ADGRB3: variants seen among roughly 807,000 people sequenced by gnomAD.
ADGRB3 encodes the protein brain-specific angiogenesis inhibitor 3.
A neutral mutation model predicts 193.4 loss-of-function variants in ADGRB3; 37 were observed. The observed-to-expected ratio is 0.19, with a 90% CI of 0.15 to 0.25. ADGRB3 has a LOEUF of 0.25. ADGRB3 is among the 10% of genes least tolerant of loss of function. The probability of loss-of-function intolerance (pLI) is 1.00; values close to 1 mark genes in which losing one functional copy is unlikely to be tolerated. For missense variants in ADGRB3, 1,637 were observed against 1,852.9 expected (o/e 0.88, Z 2.14); for synonymous variants, 690 against 644.2 (o/e 1.07, Z -1.08).
At chr6:69,018,681 G>A (rs1256879629) in intron 13 of ADGRB3, among the ~76,000 whole-genome samples, 182 bp downstream of exon 13, 1 of 151,900 alleles carries the variant, frequency 6.6e-6, no homozygotes, top group African/African-American at 2.4e-5. Flanking sequence ...TTATATATAT[G>A]TACGCGTATA....
chr6:69,354,141 G>A, intron 26 of ADGRB3, 92 bp from the exon 27 acceptor site: 1 of 848,010 alleles, frequency 1.2e-6, no homozygotes, highest in Non-Finnish European at 2.0e-6. Context: ...TAAAATCAGT[G>A]ATAACCACTG....
intron 3 of ADGRB3, among the ~76,000 whole-genome samples, chr6:68,876,866 G>A (rs918407989): frequency 1.3e-5 from 2 of 151,742 alleles, no homozygotes; most frequent in Admixed American, 6.6e-5. Context: ...GTTTTAACTA[G>A]TTTACAGGTA....
intron 17 of ADGRB3, among the ~76,000 whole-genome samples, chr6:69,076,891 C>T (rs1190071478): frequency 3.3e-5 from 5 of 152,072 alleles, no homozygotes; most frequent in African/African-American, 1.2e-4. Context: ...GTGTTCTTCA[C>T]CCCTGATATG....
At chr6:68,952,193 T>G (rs1767946039) in intron 6 of ADGRB3, among the ~76,000 whole-genome samples, 1 of 152,130 alleles carries the variant, frequency 6.6e-6, no homozygotes, top group Non-Finnish European at 1.5e-5. Context: ...CTAGTGTTTC[T>G]AGAAGTGTTA....
chr6:69,049,007 T>G (rs1771316952), intron 14 of ADGRB3, among the ~76,000 whole-genome samples: 2 of 152,114 alleles, frequency 1.3e-5, no homozygotes. Flanking sequence ...CTGATATCGT[T>G]GGGAAATTAA....
chr6:68,886,547 G>A (rs1765912712), intron 3 of ADGRB3, among the ~76,000 whole-genome samples: 1 of 151,994 alleles, frequency 6.6e-6, no homozygotes. Flanking sequence ...CCCAAACAAT[G>A]AAGTATAATA....
intron 8 of ADGRB3, among the ~76,000 whole-genome samples, chr6:68,957,738 A>G (rs1176241693): frequency 2.0e-5 from 3 of 152,186 alleles, no homozygotes; most frequent in African/African-American, 7.2e-5. Flanking sequence ...TGATTGTTTC[A>G]ACTTAGAAGA....
At chr6:69,116,782 G>A (rs1408493740) in intron 17 of ADGRB3, among the ~76,000 whole-genome samples, 2 of 152,200 alleles carry the variant, frequency 1.3e-5, no homozygotes, top group African/African-American at 4.8e-5. Context: ...TGGGCAGGTG[G>A]CTCATTGCCT....
At chr6:68,960,748 T>C (rs929700739) in intron 8 of ADGRB3, among the ~76,000 whole-genome samples, 1 of 152,122 alleles carries the variant, frequency 6.6e-6, no homozygotes, top group Non-Finnish European at 1.5e-5. Context: ...TCAGTGTACA[T>C]AGGAATCATC....
chr6:69,309,277 G>T (rs1768130634), intron 20 of ADGRB3, among the ~76,000 whole-genome samples: 1 of 151,660 alleles, frequency 6.6e-6, no homozygotes, highest in Admixed American at 6.6e-5. Context: ...ATAAAAATGA[G>T]AATTTTCAAC....
chr6:69,132,280 G>C (rs1774032036), intron 17 of ADGRB3, among the ~76,000 whole-genome samples: 2 of 152,052 alleles, frequency 1.3e-5, no homozygotes, highest in South Asian at 4.2e-4. Context: ...ATCTTCTCCA[G>C]CATCTGTTGT....
intron 30 of ADGRB3, among the ~76,000 whole-genome samples, chr6:69,378,544 G>A (rs1769877847): frequency 6.6e-6 from 1 of 151,972 alleles, no homozygotes; most frequent in South Asian, 2.1e-4. Context: ...AGATAATAAT[G>A]GCTGCCATTT....
intron 3 of ADGRB3, among the ~76,000 whole-genome samples, chr6:68,882,027 C>T (rs139885941): frequency 2.6e-5 from 4 of 152,194 alleles, no homozygotes; most frequent in Middle Eastern, 3.4e-3. Flanking sequence ...GTATTTTGTT[C>T]TCCTAGGTGT....
chr6:68,868,116 G>A (rs925330470), intron 3 of ADGRB3, among the ~76,000 whole-genome samples: 1 of 152,184 alleles, frequency 6.6e-6, no homozygotes, highest in Non-Finnish European at 1.5e-5. Flanking sequence ...ATTTGGCTCT[G>A]TGTCCCCACC....
chr6:69,014,649 G>T (rs986077668), intron 12 of ADGRB3, among the ~76,000 whole-genome samples: 1 of 151,928 alleles, frequency 6.6e-6, no homozygotes, highest in African/African-American at 2.4e-5. Context: ...TAAATGCTTT[G>T]CATAGCCATT....
chr6:68,838,259 A>C (rs1188043911), intron 3 of ADGRB3, among the ~76,000 whole-genome samples: 4 of 152,166 alleles, frequency 2.6e-5, no homozygotes, highest in Admixed American at 2.6e-4. Context: ...ATGTTAACAG[A>C]TCAGAGGGAC....
chr6:68,646,242 C>T (rs934463765), intron 3 of ADGRB3, among the ~76,000 whole-genome samples: 10 of 151,586 alleles, frequency 6.6e-5, no homozygotes, highest in Admixed American at 1.3e-4. Context: ...TTTGGGAGGC[C>T]GAGGCGGGTG....
intron 17 of ADGRB3, among the ~76,000 whole-genome samples, chr6:69,171,030 AATAAT>A (rs2150347866): frequency 6.6e-6 from 1 of 152,374 alleles, no homozygotes; most frequent in South Asian, 2.1e-4. Context: ...TTGTAACTCT[AATAAT>A]ATATTCATTC....
intron 3 of ADGRB3, among the ~76,000 whole-genome samples, chr6:68,891,901 C>G (rs1003942167): frequency 6.6e-6 from 1 of 152,042 alleles, no homozygotes; most frequent in Non-Finnish European, 1.5e-5. Context: ...GGTGGAGGAG[C>G]CGAAGAGTGG....
Sources: gnomAD v4.1 joint callset for allele counts (sites outside exome capture counted in the v4.1 genomes callset) on GRCh38, gnomAD v4.1.1 for gene constraint, MANE v1.5 for transcripts, NCBI Gene and HGNC (gene_info 2026-07-23, HGNC 2026-07-21) for gene names.